Variants in PABPC4L observed in about 807,000 individuals in gnomAD.
The protein encoded by PABPC4L is polyadenylate-binding protein 4-like.
For missense variants in PABPC4L, 452 were observed against 451.4 expected (o/e 1.00, Z -0.01); for synonymous variants, 169 against 164.1 (o/e 1.03, Z -0.23).
the PABPC4L span, among the ~76,000 whole-genome samples, chr4:134,100,306 T>C: frequency 6.6e-6 from 1 of 151,698 alleles, no homozygotes; most frequent in East Asian, 1.9e-4. Context: ...TTTTTGTAAA[T>C]TGAATTTTTA....
At chr4:134,088,117 C>T in the PABPC4L span, among the ~76,000 whole-genome samples, 1 of 152,068 alleles carries the variant, frequency 6.6e-6, no homozygotes, top group Non-Finnish European at 1.5e-5. Flanking sequence ...CCGATCTCCC[C>T]TTCTGTCTCC....
At chr4:134,016,013 T>A in the PABPC4L span, among the ~76,000 whole-genome samples, 9 of 152,130 alleles carry the variant, frequency 5.9e-5, no homozygotes, top group Non-Finnish European at 1.3e-4. Context: ...CACCTGACCC[T>A]CATGACTGCA....
At chr4:134,084,500 T>TA in the PABPC4L span, among the ~76,000 whole-genome samples, 7 of 152,068 alleles carry the variant, frequency 4.6e-5, no homozygotes, top group African/African-American at 1.7e-4. Context: ...GGATTTTTTT[T>TA]TAAAAAAAAG....
At chr4:134,089,025 T>G in the PABPC4L span, among the ~76,000 whole-genome samples, 5 of 152,100 alleles carry the variant, frequency 3.3e-5, no homozygotes, top group African/African-American at 1.2e-4. Context: ...GTCTATCTTC[T>G]TGCTTTAAAA....
the PABPC4L span, among the ~76,000 whole-genome samples, chr4:133,964,098 G>C: frequency 6.6e-6 from 1 of 152,010 alleles, no homozygotes; most frequent in African/African-American, 2.4e-5. Flanking sequence ...AGAAAGAAGA[G>C]AGAAAATCCA....
chr4:134,118,033 C>A, the PABPC4L span, among the ~76,000 whole-genome samples: 1 of 151,794 alleles, frequency 6.6e-6, no homozygotes, highest in African/African-American at 2.4e-5. Context: ...AATCATCTAG[C>A]CCAATCTGTG....
chr4:134,006,754 G>A, the PABPC4L span, among the ~76,000 whole-genome samples: 2 of 151,808 alleles, frequency 1.3e-5, no homozygotes, highest in Non-Finnish European at 2.9e-5. Flanking sequence ...TTCTTTCTTA[G>A]TAATATTGCT....
At chr4:133,960,359 G>A in the PABPC4L span, among the ~76,000 whole-genome samples, 1 of 152,144 alleles carries the variant, frequency 6.6e-6, no homozygotes, top group South Asian at 2.1e-4. Flanking sequence ...ACCTGGAGCT[G>A]AGACAATTTA....
the PABPC4L span, among the ~76,000 whole-genome samples, chr4:133,967,745 T>C: frequency 6.6e-6 from 1 of 152,158 alleles, no homozygotes; most frequent in Non-Finnish European, 1.5e-5. Context: ...AGAATCAGGA[T>C]ATGAGCAGAA....
the PABPC4L span, among the ~76,000 whole-genome samples, chr4:133,971,473 C>G: frequency 6.6e-6 from 1 of 152,126 alleles, no homozygotes; most frequent in Non-Finnish European, 1.5e-5. Flanking sequence ...ACCCTCACAC[C>G]TGGACTGCCA....
chr4:134,124,896 T>G, the PABPC4L span, among the ~76,000 whole-genome samples: 1 of 152,002 alleles, frequency 6.6e-6, no homozygotes, highest in Admixed American at 6.6e-5. Context: ...GAAGGGCTGT[T>G]TTTTCTTCTT....
At chr4:134,120,501 C>G in the PABPC4L span, among the ~76,000 whole-genome samples, 1 of 150,296 alleles carries the variant, frequency 6.7e-6, no homozygotes, top group East Asian at 1.9e-4. Context: ...CTTCCAAGAT[C>G]CCCTTATTTA....
At chr4:134,002,804 T>C in the PABPC4L span, among the ~76,000 whole-genome samples, 1 of 151,936 alleles carries the variant, frequency 6.6e-6, no homozygotes, top group South Asian at 2.1e-4. Flanking sequence ...CCTTGCAAAA[T>C]GTGGAGTAAT....
chr4:134,169,547 GAC>G, the PABPC4L span, among the ~76,000 whole-genome samples: 1 of 151,778 alleles, frequency 6.6e-6, no homozygotes, highest in East Asian at 1.9e-4. Flanking sequence ...GAAACCTCAA[GAC>G]TCCATCAAAA....
the PABPC4L span, among the ~76,000 whole-genome samples, chr4:133,990,149 C>T: frequency 4.6e-5 from 7 of 152,088 alleles, no homozygotes; most frequent in African/African-American, 1.4e-4. Flanking sequence ...TTTTCCACAC[C>T]TTATTGCACA....
the PABPC4L span, among the ~76,000 whole-genome samples, chr4:134,066,965 A>C: frequency 3.9e-5 from 6 of 152,138 alleles, no homozygotes; most frequent in African/African-American, 1.4e-4. Flanking sequence ...GGATATTTGC[A>C]TCTATTTTTA....
chr4:134,200,024 T>C lies in PABPC4L; in HGVS notation c.996A>G (p.Lys332=). ...AGGAGAAGCAGATCAAGCCAAACCC[T>C]TTGCTCTGCCCCTCTTCCTGCATTA... ...VKVMQEEGQS[K]GFGLICFSSP... Residue 332 remains lysine (K), a synonymous_variant, in exon 2 of 2, where the codon AAA becomes AAG. Transcript: ENST00000421491. The C allele has an allele frequency of 6.4e-7, 1 of 1,551,660 alleles. No individual in the cohort carries two copies.
At chr4:134,085,126 A>C in the PABPC4L span, among the ~76,000 whole-genome samples, 1 of 152,034 alleles carries the variant, frequency 6.6e-6, no homozygotes, top group Non-Finnish European at 1.5e-5. Flanking sequence ...CAGTTGAGAA[A>C]GGTTGAGCTT....
chr4:134,140,665 T>G, the PABPC4L span, among the ~76,000 whole-genome samples: 2 of 151,940 alleles, frequency 1.3e-5, no homozygotes, highest in East Asian at 1.9e-4. Context: ...TTTAATCAAA[T>G]TGAATATTTT....
Sources: gnomAD v4.1 joint callset for allele counts (sites outside exome capture counted in the v4.1 genomes callset) on GRCh38, gnomAD v4.1.1 for gene constraint, MANE v1.5 for transcripts, NCBI Gene and HGNC (gene_info 2026-07-23, HGNC 2026-07-21) for gene names.